DLGAP2: variants seen among roughly 807,000 people sequenced by gnomAD.
The protein encoded by DLGAP2 is DLG associated protein 2.
DLGAP2 carries 26 observed loss-of-function variants against 100.3 expected under a neutral mutation model. That is an observed-to-expected ratio of 0.26 (90% CI 0.19 to 0.36). The LOEUF is 0.36. DLGAP2 is among the 10% of genes least tolerant of loss of function. DLGAP2 has a pLI of 1.00. For synonymous variants in DLGAP2, 886 were observed against 630.1 expected (o/e 1.41, Z -6.08); for missense variants, 1,858 against 1,453.2 (o/e 1.28, Z -4.53).
chr8:899,859 A>G (rs1798215341), intron 1 of DLGAP2, among the ~76,000 whole-genome samples: 1 of 152,178 alleles, frequency 6.6e-6, no homozygotes, highest in Non-Finnish European at 1.5e-5. Context: ...TTTCACAGAC[A>G]CACCACTTAT....
At chr8:1,634,102 G>C (rs1438226630) in intron 8 of DLGAP2, among the ~76,000 whole-genome samples, 1 of 152,332 alleles carries the variant, frequency 6.6e-6, no homozygotes, top group Non-Finnish European at 1.5e-5. Context: ...GGAAGGGAAG[G>C]AACTGTGTTC....
rs554479956 is a variant in DLGAP2, at chr8:1,153,849, C to T, written c.74-105002C>T. ...CCACCTAAGGTCTTGATAAATGCAT[C>T]TAGCACTTTCCTTGGCAAAAATATT... On this transcript the variant is annotated intron_variant, in intron 2 of 14. Coordinates refer to ENST00000637795, the MANE Select transcript of DLGAP2 (RefSeq NM_001346810.2). Among the ~76,000 whole-genome samples the T allele has an allele frequency of 2.0e-5, 3 of 152,172 alleles. No individual in the cohort carries two copies. In the East Asian group the frequency reaches 5.8e-4, roughly 29 times the overall value.
At chr8:1,063,850 T>C (rs1803163356) in intron 2 of DLGAP2, among the ~76,000 whole-genome samples, 1 of 152,200 alleles carries the variant, frequency 6.6e-6, no homozygotes, top group Non-Finnish European at 1.5e-5. Context: ...GTTAAAATGG[T>C]GTCTGTTGTG....
intron 2 of DLGAP2, among the ~76,000 whole-genome samples, chr8:908,588 C>T (rs1252322422): frequency 2.0e-5 from 3 of 152,144 alleles, no homozygotes; most frequent in Non-Finnish European, 2.9e-5. Context: ...CTAAAAAAAA[C>T]TTCGTTATCA....
At position 1,549,599 on chromosome 8, in the gene DLGAP2, C is replaced by G. The variant is rs1199959825; in HGVS notation, c.1146C>G (p.Ala382=). 3 of 1,607,322 alleles carry G rather than the reference C, an allele frequency of 1.9e-6. No homozygotes were observed. The highest frequency in any genetic ancestry group is 2.5e-6 in the Non-Finnish European group (3 of 1,177,970). The change falls in exon 5 of 15, where the codon GCC becomes GCG. Residue 382 remains alanine (A), a synonymous_variant. Transcript: ENST00000637795. ...STLTVSQAKE[A]YRKSSLNLDK... is the part of the protein sequence containing the mutation. Reference sequence around the variant, plus strand: ...TGACGGTCAGCCAGGCCAAGGAGGCCTACCGCAAGAGCTCGCTGAACCTGG... The same window carrying G: ...TGACGGTCAGCCAGGCCAAGGAGGCGTACCGCAAGAGCTCGCTGAACCTGG...
chr8:851,823 G>C (rs1184235703), intron 1 of DLGAP2, among the ~76,000 whole-genome samples: 1 of 152,188 alleles, frequency 6.6e-6, no homozygotes, highest in Non-Finnish European at 1.5e-5. Flanking sequence ...GGGAAGCAGT[G>C]ACTGTTCCGT....
intron 3 of DLGAP2, among the ~76,000 whole-genome samples, chr8:1,484,325 A>G (rs1799184266): frequency 6.6e-6 from 1 of 152,244 alleles, no homozygotes; most frequent in East Asian, 1.9e-4. Context: ...AGAATTCATC[A>G]TTTCTGATTT....
intron 3 of DLGAP2, among the ~76,000 whole-genome samples, chr8:1,389,180 G>A (rs1040235878): frequency 3.3e-5 from 5 of 152,160 alleles, no homozygotes; most frequent in Admixed American, 6.5e-5. Context: ...TCTTCATGAC[G>A]GGAGGCACGT....
intron 2 of DLGAP2, among the ~76,000 whole-genome samples, chr8:1,106,429 A>G (rs1349156150): frequency 6.8e-6 from 1 of 147,422 alleles, no homozygotes; most frequent in Non-Finnish European, 1.5e-5. Context: ...CCACTCTAGG[A>G]CGGTTTTCTA....
chr8:1,196,134 C>A (rs1172217922), intron 2 of DLGAP2, among the ~76,000 whole-genome samples: 1 of 152,218 alleles, frequency 6.6e-6, no homozygotes, highest in African/African-American at 2.4e-5. Context: ...TTTCCTGATC[C>A]ACTTAACTGC....
intron 6 of DLGAP2, among the ~76,000 whole-genome samples, chr8:1,573,763 A>G (rs1802850953): frequency 6.6e-6 from 1 of 152,136 alleles, no homozygotes; most frequent in African/African-American, 2.4e-5. Context: ...CTCACTGGTC[A>G]TCATGTTGCT....
chr8:1,549,641 C>G lies in DLGAP2; in HGVS notation c.1188C>G (p.His396Gln). ...TGAACCTGGACAAGCCGCTGCTGCA[C>G]CAGGACGCCAAGCCCGCCCTGAGGC... is the stretch of plus-strand genomic sequence containing the variant. ...SSLNLDKPLL[H>Q]QDAKPALRPC... is the part of the protein sequence containing the mutation. Residue 396 changes from histidine to glutamine, a missense_variant, in exon 5 of 15, where the codon CAC (histidine) becomes CAG (glutamine). By Grantham distance (24) the His-to-Gln change is conservative (BLOSUM62 0). Transcript: ENST00000637795. 1.1e-5 allele frequency: 17 copies of G among 1,580,086 alleles called. No homozygotes were observed. Among genetic ancestry groups the G allele is most frequent in the Non-Finnish European group, 1.5e-5 (17 of 1,164,096 alleles).
chr8:1,080,805 G>A (rs1803781699), intron 2 of DLGAP2, among the ~76,000 whole-genome samples: 1 of 152,162 alleles, frequency 6.6e-6, no homozygotes, highest in Non-Finnish European at 1.5e-5. Context: ...TACTAGGTCA[G>A]ATCCACTCAC....
intron 8 of DLGAP2, among the ~76,000 whole-genome samples, chr8:1,665,109 G>A (rs56712296): frequency 0.1 from 15,829 of 152,144 alleles, 956 homozygotes; most frequent in South Asian, 0.25. Context: ...TGTGGTATGT[G>A]ACTTTCCTGT....
chr8:1,701,409 G>T lies in DLGAP2; in HGVS notation c.*3G>T. On this transcript the variant is annotated 3_prime_UTR_variant, in exon 15 of 15. Transcript: ENST00000637795. ...CCGAGGCCCAGACCCGGCTCTGAGG[G>T]CGGAGGCCGGCGCCTTCCCCTCGTC... 1.3e-6 allele frequency: 2 copies of T among 1,578,100 alleles called. No homozygotes were observed. Among genetic ancestry groups the T allele is most frequent in the East Asian group, 2.3e-5 (1 of 43,006 alleles).
intron 2 of DLGAP2, among the ~76,000 whole-genome samples, chr8:1,208,021 G>A (rs777589646): frequency 2.7e-4 from 41 of 152,058 alleles, no homozygotes; most frequent in Non-Finnish European, 4.0e-4. Context: ...TGGGTTGTCT[G>A]TTTACTCTGC....
chr8:1,298,532 C>A (rs187923294), intron 3 of DLGAP2, among the ~76,000 whole-genome samples: 1 of 152,086 alleles, frequency 6.6e-6, no homozygotes, highest in Non-Finnish European at 1.5e-5. Context: ...GGCAGCGTAC[C>A]CTGCAGAAGA....
chr8:1,575,005 C>G (rs867209424), intron 6 of DLGAP2, among the ~76,000 whole-genome samples: 7 of 152,180 alleles, frequency 4.6e-5, no homozygotes, highest in African/African-American at 1.7e-4. Flanking sequence ...CACACACTCA[C>G]TACACAGGGA....
At chr8:1,364,449 C>G (rs1314018612) in intron 3 of DLGAP2, among the ~76,000 whole-genome samples, 2 of 141,080 alleles carry the variant, frequency 1.4e-5, no homozygotes, top group Non-Finnish European at 3.0e-5. Context: ...ACCCCAGATT[C>G]TGGTGAAAGG....
Sources: gnomAD v4.1 joint callset for allele counts (sites outside exome capture counted in the v4.1 genomes callset) on GRCh38, gnomAD v4.1.1 for gene constraint, MANE v1.5 for transcripts, NCBI Gene and HGNC (gene_info 2026-07-23, HGNC 2026-07-21) for gene names.